The following SHISA9 variants were observed in gnomAD, a reference collection of about 807,000 sequenced individuals.
SHISA9 encodes shisa family member 9.
SHISA9 carries 13 observed loss-of-function variants against 38.0 expected under a neutral mutation model. The observed-to-expected ratio is 0.34, with a 90% CI of 0.22 to 0.54. The LOEUF (loss-of-function observed/expected upper bound fraction) is 0.54. Ranked by LOEUF, SHISA9 falls within the 20% of genes least tolerant of loss-of-function variation. The pLI, the probability that SHISA9 is intolerant of heterozygous loss-of-function variation, is 0.91. For synonymous variants in SHISA9, 275 were observed against 242.0 expected (o/e 1.14, Z -1.27); for missense variants, 538 against 575.8 (o/e 0.93, Z 0.67).
chr16:13,338,761 G>C, the SHISA9 span, among the ~76,000 whole-genome samples: 1 of 152,196 alleles, frequency 6.6e-6, no homozygotes, highest in Non-Finnish European at 1.5e-5. Context: ...ATCTCCAGGT[G>C]AATGTATAGT....
chr16:13,229,159 C>CA (rs1262583587), intron 4 of SHISA9, among the ~76,000 whole-genome samples: 3 of 151,944 alleles, frequency 2.0e-5, no homozygotes, highest in South Asian at 2.1e-4. Context: ...GACACTGTCT[C>CA]AAAAAAAATT....
the SHISA9 span, among the ~76,000 whole-genome samples, chr16:13,487,779 ATC>A: frequency 1.2e-4 from 18 of 152,226 alleles, no homozygotes; most frequent in African/African-American, 4.3e-4. Context: ...TTATATTGTT[ATC>A]TGTTTTTTCC....
the SHISA9 span, among the ~76,000 whole-genome samples, chr16:13,284,141 A>G: frequency 2.6e-5 from 4 of 152,208 alleles, no homozygotes; most frequent in Admixed American, 1.3e-4. Flanking sequence ...ACTTAGCAGA[A>G]CTGCTGTGCT....
the SHISA9 span, among the ~76,000 whole-genome samples, chr16:13,282,993 G>A: frequency 1.3e-5 from 2 of 152,092 alleles, no homozygotes; most frequent in East Asian, 3.9e-4. Context: ...ACCAGCTCAG[G>A]ATTGGTTTAT....
the SHISA9 span, among the ~76,000 whole-genome samples, chr16:13,480,248 C>T: frequency 6.6e-6 from 1 of 152,104 alleles, no homozygotes; most frequent in African/African-American, 2.4e-5. Context: ...TCTCTCTTTT[C>T]TCAAGGGGTT....
chr16:13,513,282 G>A, the SHISA9 span, among the ~76,000 whole-genome samples: 2 of 152,138 alleles, frequency 1.3e-5, no homozygotes, highest in Non-Finnish European at 2.9e-5. Context: ...GATCATTAGA[G>A]AAATGCAAAT....
the SHISA9 span, among the ~76,000 whole-genome samples, chr16:13,458,166 T>C: frequency 1.3e-5 from 2 of 152,210 alleles, no homozygotes; most frequent in African/African-American, 4.8e-5. Context: ...CCAAGTGCGA[T>C]GTACCAGTCA....
At chr16:13,062,179 G>A (rs1284347894) in intron 2 of SHISA9, among the ~76,000 whole-genome samples, 1 of 147,614 alleles carries the variant, frequency 6.8e-6, no homozygotes, top group Non-Finnish European at 1.5e-5. Flanking sequence ...TATGGCAGGG[G>A]ACTTACGCTA....
At chr16:13,551,736 T>C in the SHISA9 span, among the ~76,000 whole-genome samples, 2 of 151,980 alleles carry the variant, frequency 1.3e-5, no homozygotes, top group Non-Finnish European at 2.9e-5. Flanking sequence ...GAAAAAAAAG[T>C]ACAATTGGTA....
chr16:13,533,453 T>C, the SHISA9 span, among the ~76,000 whole-genome samples: 5 of 152,196 alleles, frequency 3.3e-5, no homozygotes, highest in African/African-American at 1.2e-4. Flanking sequence ...TTTGCCTTTC[T>C]ATTTTTCCAA....
chr16:13,556,057 A>C, the SHISA9 span, among the ~76,000 whole-genome samples: 7 of 152,316 alleles, frequency 4.6e-5, 1 homozygote, highest in Admixed American at 4.6e-4. Flanking sequence ...TGAGCTATGC[A>C]AAGCACTTAG....
intron 2 of SHISA9, among the ~76,000 whole-genome samples, chr16:12,928,995 A>G (rs1323343838): frequency 6.6e-6 from 1 of 152,256 alleles, no homozygotes; most frequent in African/African-American, 2.4e-5. Flanking sequence ...ATGAACAGAT[A>G]CTTCTGAAAA....
chr16:13,540,007 T>G, the SHISA9 span, among the ~76,000 whole-genome samples: 1 of 152,192 alleles, frequency 6.6e-6, no homozygotes, highest in Admixed American at 6.6e-5. Context: ...TTGATGGACA[T>G]TTTAGGTGGA....
the SHISA9 span, among the ~76,000 whole-genome samples, chr16:13,470,973 G>T: frequency 4.5e-4 from 68 of 152,076 alleles, 1 homozygote; most frequent in East Asian, 1.9e-4. Context: ...GAAAAATGAG[G>T]CAGGATAGGA....
At chr16:13,257,969 C>G in the SHISA9 span, among the ~76,000 whole-genome samples, 1 of 152,180 alleles carries the variant, frequency 6.6e-6, no homozygotes, top group African/African-American at 2.4e-5. Context: ...GACCAGACTT[C>G]TCAGTATGCC....
At chr16:13,531,473 G>T in the SHISA9 span, among the ~76,000 whole-genome samples, 1 of 152,302 alleles carries the variant, frequency 6.6e-6, no homozygotes, top group South Asian at 2.1e-4. Flanking sequence ...GAGAGGTCGA[G>T]TAATCTTTCT....
the SHISA9 span, among the ~76,000 whole-genome samples, chr16:13,506,714 G>T: frequency 6.6e-6 from 1 of 152,172 alleles, no homozygotes; most frequent in Admixed American, 6.5e-5. Context: ...AAAAGAGAAA[G>T]TGGGTCATAT....
rs1338417028 is a variant in SHISA9, at chr16:12,968,262, A to G, written c.691+51447A>G. 1.3e-4 allele frequency among the ~76,000 whole-genome samples: 20 copies of G among 151,438 alleles called. 1 individual carries two copies. Among genetic ancestry groups the G allele is most frequent in the Admixed American group, 1.3e-3 (20 of 15,180 alleles). On this transcript the variant is annotated intron_variant, in intron 2 of 4. Coordinates refer to ENST00000558583, the MANE Select transcript of SHISA9 (RefSeq NM_001145204.3). The stretch of plus-strand genomic sequence containing the variant: ...AGGCTACATATATCCCATATCATAT[A>G]AATCACAGTCTCAAGGCTGGGACAC...
the SHISA9 span, among the ~76,000 whole-genome samples, chr16:13,516,797 CA>C: frequency 2.0e-3 from 283 of 144,328 alleles, no homozygotes; most frequent in African/African-American, 6.1e-3. Context: ...GATTCCATCC[CA>C]AAAAAAAAAA....
Sources: gnomAD v4.1 joint callset for allele counts (sites outside exome capture counted in the v4.1 genomes callset) on GRCh38, gnomAD v4.1.1 for gene constraint, MANE v1.5 for transcripts, NCBI Gene and HGNC (gene_info 2026-07-23, HGNC 2026-07-21) for gene names.